OCA2: variants seen among roughly 807,000 people sequenced by gnomAD.
The protein encoded by OCA2 is OCA2 melanosomal transmembrane protein.
In OCA2, 77 loss-of-function variants were observed where a neutral mutation model predicts 100.2. The ratio of observed to expected loss-of-function variants is 0.77; its 90% CI spans 0.64 to 0.93. The LOEUF (loss-of-function observed/expected upper bound fraction) is 0.93, where lower values mean the gene tolerates loss of function less well. Ranked by LOEUF, OCA2 falls within the 40% of genes least tolerant of loss-of-function variation. OCA2 has a pLI of 0.00. For synonymous variants in OCA2, 432 were observed against 439.2 expected (o/e 0.98, Z 0.21); for missense variants, 1,062 against 1,089.1 (o/e 0.98, Z 0.35).
downstream of OCA2, among the ~76,000 whole-genome samples, chr15:27,750,561 G>A (rs965166683): frequency 6.6e-6 from 1 of 152,214 alleles, no homozygotes; most frequent in Non-Finnish European, 1.5e-5. Flanking sequence ...GAATCCAGTG[G>A]ACACTTCCTG....
chr15:28,054,849 G>A (rs1407211933), intron 2 of OCA2, among the ~76,000 whole-genome samples: 2 of 152,184 alleles, frequency 1.3e-5, no homozygotes, highest in African/African-American at 2.4e-5. Flanking sequence ...TACAATCATG[G>A]CAGAAGGAGA....
At chr15:27,853,222 A>G (rs2035826588) in intron 21 of OCA2, among the ~76,000 whole-genome samples, 1 of 108,670 alleles carries the variant, frequency 9.2e-6, no homozygotes, top group Non-Finnish European at 1.9e-5. Flanking sequence ...GCACATATAC[A>G]CCATGGAATA....
At chr15:27,997,131 GAAGGAA>G (rs1468840469) in intron 9 of OCA2, among the ~76,000 whole-genome samples, 2 of 33,858 alleles carry the variant, frequency 5.9e-5, no homozygotes, top group Non-Finnish European at 4.3e-4. Context: ...AAGGAAGGAA[GAAGGAA>G]GGAAGAGAGA....
chr15:27,741,093 A>C, the OCA2 span, among the ~76,000 whole-genome samples: 3 of 152,230 alleles, frequency 2.0e-5, no homozygotes, highest in Non-Finnish European at 4.4e-5. Context: ...CACAGCTCTT[A>C]TCTCAGGCCT....
intron 23 of OCA2, among the ~76,000 whole-genome samples, chr15:27,774,743 A>T (rs1269157952): frequency 6.6e-6 from 1 of 152,176 alleles, no homozygotes; most frequent in Non-Finnish European, 1.5e-5. Flanking sequence ...ATCCGGGAAA[A>T]CAGGTGTCCT....
At chr15:27,992,643 G>A (rs1398728233) in intron 9 of OCA2, among the ~76,000 whole-genome samples, 1 of 152,202 alleles carries the variant, frequency 6.6e-6, no homozygotes, top group African/African-American at 2.4e-5. Flanking sequence ...TTCATTAGTA[G>A]AACAGGATGT....
intron 23 of OCA2, among the ~76,000 whole-genome samples, chr15:27,779,745 T>G (rs2032438956): frequency 6.6e-6 from 1 of 152,224 alleles, no homozygotes. Context: ...ATTGGGGAAT[T>G]TAAACCATTT....
At chr15:28,011,778 T>C (rs142162096) in intron 9 of OCA2, among the ~76,000 whole-genome samples, 2,040 of 151,830 alleles carry the variant, frequency 0.013, 41 homozygotes, top group African/African-American at 0.047. Context: ...ATTAGTCAGG[T>C]GTGGTGGCAC....
chr15:27,773,907 T>C (rs2032035872), intron 23 of OCA2, among the ~76,000 whole-genome samples: 1 of 152,232 alleles, frequency 6.6e-6, no homozygotes, highest in Admixed American at 6.5e-5. Flanking sequence ...GTAGAAATGA[T>C]ATCTGTCTTT....
chr15:27,755,430 C>T lies in OCA2; in HGVS notation c.2475G>A (p.Met825Ile), dbSNP rs1184076304. ...PMMVVSCTVG[M>I]CYLLVAHVVV... is the part of the protein sequence containing the mutation. ...CCACATGAGCCACAAGGAGATAACACATCCCAACAGTGCAGGACACAACCA... is the reference window on the plus strand; with the variant it reads ...CCACATGAGCCACAAGGAGATAACATATCCCAACAGTGCAGGACACAACCA... The change falls in exon 24 of 24, where the codon ATG (methionine) becomes ATA (isoleucine). Residue 825 changes from methionine (M) to isoleucine (I), a missense_variant. Transcript: ENST00000354638. 5.0e-6 allele frequency: 8 copies of T among 1,613,900 alleles called. No homozygotes were observed. In the African/African-American group the frequency reaches 5.3e-5, roughly 11 times the overall value.
the OCA2 span, among the ~76,000 whole-genome samples, chr15:27,741,119 C>G: frequency 6.6e-6 from 1 of 152,202 alleles, no homozygotes; most frequent in African/African-American, 2.4e-5. Flanking sequence ...CGGCGGAGGC[C>G]TCTAACCCTC....
At chr15:27,794,853 T>C (rs1018070565) in intron 23 of OCA2, among the ~76,000 whole-genome samples, 4 of 152,218 alleles carry the variant, frequency 2.6e-5, no homozygotes, top group South Asian at 2.1e-4. Context: ...GCATTTTTTT[T>C]CCTCAGCACA....
At position 27,951,846 on chromosome 15, in the gene OCA2, A is replaced by C. The variant is rs748782525; in HGVS notation, c.1889T>G (p.Leu630Trp). 1.9e-6 allele frequency: 3 copies of C among 1,614,088 alleles called. No homozygotes were observed. The highest frequency in any genetic ancestry group is 1.1e-5 in the South Asian group (1 of 91,064). ...GAAAAACATGAAGATAACAAATCCC[A>C]ACACTGTCAGGCATTTGGCGAGCAG... ...GILLAKCLTVLGFVIFMFFLN... is the reference protein window; with the variant it reads ...GILLAKCLTVWGFVIFMFFLN... The change falls in exon 18 of 24, where the codon TTG (leucine) becomes TGG (tryptophan). Residue 630 changes from leucine (L) to tryptophan (W), a missense_variant. Leu to Trp is a moderately conservative substitution (Grantham distance 61, BLOSUM62 -2). Coordinates refer to ENST00000354638, the MANE Select transcript of OCA2 (RefSeq NM_000275.3).
chr15:28,008,815 T>C (rs770035026), intron 9 of OCA2, among the ~76,000 whole-genome samples: 3 of 152,234 alleles, frequency 2.0e-5, no homozygotes, highest in Admixed American at 2.0e-4. Flanking sequence ...TGTCAGCATC[T>C]GGGGAGCAGC....
At chr15:27,865,621 G>C (rs1311109779) in intron 21 of OCA2, among the ~76,000 whole-genome samples, 1 of 152,206 alleles carries the variant, frequency 6.6e-6, no homozygotes, top group Non-Finnish European at 1.5e-5. Context: ...TGGGTGCAGA[G>C]AGGACCAGTT....
At chr15:27,797,664 T>A (rs1055683562) in intron 23 of OCA2, among the ~76,000 whole-genome samples, 5 of 152,188 alleles carry the variant, frequency 3.3e-5, no homozygotes, top group Non-Finnish European at 2.9e-5. Context: ...ACGTTTAGCC[T>A]GTGGACAGGT....
chr15:27,759,471 C>T (rs2030655488), intron 23 of OCA2, among the ~76,000 whole-genome samples: 1 of 151,518 alleles, frequency 6.6e-6, no homozygotes, highest in African/African-American at 2.4e-5. Context: ...ATAGTAAAAG[C>T]ACGGATAAAG....
rs1165638887 is a variant in OCA2 at position 27,957,333 on chromosome 15, A to AG, written c.1784+254dup. On this transcript the variant is annotated intron_variant, in intron 16 of 23. Transcript: ENST00000354638. This position sits in a 1 kb window ranked among gnomAD's most constrained non-coding sequence, Gnocchi z 4.3. ...CCCATCCCCAGTGCCACTCCTTCCGAGCTGCACAACCCTGGGCACGCCGCT... is the reference window on the plus strand; with the variant it reads ...CCCATCCCCAGTGCCACTCCTTCCGAGGCTGCACAACCCTGGGCACGCCGCT... Among the ~76,000 whole-genome samples the AG allele has an allele frequency of 1.3e-5, 2 of 152,070 alleles. No homozygotes were observed. Among genetic ancestry groups the AG allele is most frequent in the Non-Finnish European group, 2.9e-5 (2 of 68,020 alleles).
chr15:27,752,108 A>C (rs1371043464), downstream of OCA2, among the ~76,000 whole-genome samples: 1 of 152,296 alleles, frequency 6.6e-6, no homozygotes, highest in Middle Eastern at 3.4e-3. Flanking sequence ...GCCGTGTGTC[A>C]AAGGTAAGGC....
Sources: gnomAD v4.1 joint callset for allele counts (sites outside exome capture counted in the v4.1 genomes callset) on GRCh38, gnomAD v4.1.1 for gene constraint, Gnocchi (gnomAD v3.1) non-coding constraint, MANE v1.5 for transcripts, NCBI Gene and HGNC (gene_info 2026-07-23, HGNC 2026-07-21) for gene names.